The following CENPF variants were observed in gnomAD, a reference collection of about 807,000 sequenced individuals.
The protein encoded by CENPF is centromere protein F.
A neutral mutation model predicts 307.3 loss-of-function variants in CENPF; 214 were observed. The observed-to-expected ratio is 0.70, with a 90% CI of 0.62 to 0.78. CENPF has a LOEUF of 0.78. Among genes scored for constraint, CENPF ranks in the 30% least tolerant of loss-of-function variants. The probability of loss-of-function intolerance (pLI) is 0.00; values close to 1 mark genes in which losing one functional copy is unlikely to be tolerated. For missense variants in CENPF, 3,401 were observed against 3,483.9 expected, an observed-to-expected ratio of 0.98 and a Z score of 0.60; for synonymous variants, 1,259 against 1,270.6, an observed-to-expected ratio of 0.99 and a Z score of 0.19.
Position 214,630,539 on chromosome 1 carries a change from C to T in CENPF, c.1200C>T (p.Leu400=). ...ACCTGCCCTTTGTTTTTCAGGAGCT[C>T]TCCCGTCAACAGCGTTCTTTCCAAA... The part of the protein sequence containing the change: ...KEKEKEFQEE[L]SRQQRSFQTL... The change falls in exon 9 of 20, where the codon CTC becomes CTT. Residue 400 remains leucine, a synonymous_variant. Transcript: ENST00000366955. 3 of 1,614,096 alleles carry T rather than the reference C, an allele frequency of 1.9e-6. No individual in the cohort carries two copies. Among genetic ancestry groups the T allele is most frequent in the Non-Finnish European group, 2.5e-6 (3 of 1,180,000 alleles).
intron 9 of CENPF, 74 bp from the exon 10 acceptor site, chr1:214,632,406 T>C: frequency 6.6e-7 from 1 of 1,509,430 alleles, no homozygotes; most frequent in Non-Finnish European, 9.0e-7. Flanking sequence ...GACCATTTTA[T>C]TGTTTAAGAA....
chr1:214,647,138 A>C lies in CENPF; in HGVS notation c.7568A>C (p.Glu2523Ala). The C allele has an allele frequency of 6.2e-7, 1 of 1,614,052 alleles. No individual in the cohort carries two copies. Among genetic ancestry groups the C allele is most frequent in the Middle Eastern group, 1.6e-4 (1 of 6,062 alleles). The change falls in exon 13 of 20, where the codon GAA becomes GCA. Residue 2523 changes from glutamate to alanine, a missense_variant. By Grantham distance (107) the Glu-to-Ala change is moderately radical (BLOSUM62 -1). Transcript: ENST00000366955. ...GKQKLEKKDE[E>A]ISRLKNQIQD... is the part of the protein sequence containing the mutation. ...CAGAAACTGGAGAAGAAGGATGAAG[A>C]AATCAGTAGACTGAAAAATCAAATT...
rs7515385 is a variant in CENPF at position 214,622,723 on chromosome 1, G to A, written c.1068+442G>A. 3.5e-3 allele frequency among the ~76,000 whole-genome samples: 503 copies of A among 142,784 alleles called. 3 individuals are homozygous for A. The highest frequency in any genetic ancestry group is 0.013 in the African/African-American group (465 of 34,692). 93.7% of individuals were successfully genotyped at this position (142,784 alleles called of 152,430 possible). On this transcript the variant is annotated intron_variant, in intron 7 of 19. Transcript: ENST00000366955. Reference sequence around the variant, plus strand: ...TCATGGATTCAACCAACTATGGATCGTAAGTATTTAGGGGGAAAAAAGATC... The same window carrying A: ...TCATGGATTCAACCAACTATGGATCATAAGTATTTAGGGGGAAAAAAGATC...
intron 16 of CENPF, among the ~76,000 whole-genome samples, chr1:214,654,756 C>T (rs1409019026): frequency 6.6e-6 from 1 of 151,850 alleles, no homozygotes; most frequent in South Asian, 2.1e-4. Context: ...TCTTTCTACT[C>T]GAGCCACAAT....
intron 7 of CENPF, among the ~76,000 whole-genome samples, chr1:214,626,381 A>G (rs1657656012): frequency 6.6e-6 from 1 of 152,164 alleles, no homozygotes; most frequent in South Asian, 2.1e-4. Context: ...GAATAGGGAA[A>G]AGTGTGATTA....
chr1:214,614,766 T>G (rs1657290169), intron 2 of CENPF, 66 bp from the exon 3 acceptor site: 1 of 1,129,666 alleles, frequency 8.9e-7, no homozygotes. Flanking sequence ...AGACTCAGGT[T>G]TACCAATAAT....
rs1383331219 is a variant in CENPF, at chr1:214,643,357, GT to G, written c.4986+36del. The G allele has an allele frequency of 4.8e-6, 7 of 1,451,046 alleles. No homozygotes were observed. In the East Asian group the frequency reaches 1.7e-4, roughly 36 times the overall value. The allele number at this position is 1,451,046 out of a possible 1,614,324, so 89.9% of individuals were successfully genotyped here. On this transcript the variant is annotated intron_variant, in intron 12 of 19. Coordinates refer to ENST00000366955, the MANE Select transcript of CENPF (RefSeq NM_016343.4). ...CCTGGGATTTAAATGCCATTTCTCG[GT>G]TTACATGACTAGTGGACACTCAGTA... is the stretch of plus-strand genomic sequence containing the variant.
At chr1:214,618,994 T>C in intron 4 of CENPF, 135 bp from the exon 5 acceptor site, 1 of 596,652 alleles carries the variant, frequency 1.7e-6, no homozygotes, top group Non-Finnish European at 3.0e-6. Context: ...ATCAATAGTT[T>C]GATCTATTTC....
intron 1 of CENPF, among the ~76,000 whole-genome samples, chr1:214,609,105 A>C (rs1657127977): frequency 6.7e-6 from 1 of 149,206 alleles, no homozygotes; most frequent in Non-Finnish European, 1.5e-5. Context: ...CCTGGGCCCC[A>C]GGGCCGCACT....
Position 214,657,204 on chromosome 1 carries a change from G to A in CENPF, c.8757G>A (p.Lys2919=). Residue 2919 remains lysine, a synonymous_variant, in exon 18 of 20, where the codon AAG becomes AAA. Transcript: ENST00000366955. ...GPSPIPSVTE[K]RLSSGQNKAS... is the part of the protein sequence containing the mutation. ...CTCCAATCCCTTCTGTTACTGAAAAGAGGTTATCATCTGGCCAAAATAAAG... is the reference window on the plus strand; with the variant it reads ...CTCCAATCCCTTCTGTTACTGAAAAAAGGTTATCATCTGGCCAAAATAAAG... 2 of 1,614,150 alleles carry A rather than the reference G, an allele frequency of 1.2e-6. No individual in the cohort carries two copies. Among genetic ancestry groups the A allele is most frequent in the Non-Finnish European group, 8.5e-7 (1 of 1,180,014 alleles).
intron 3 of CENPF, among the ~76,000 whole-genome samples, chr1:214,617,713 CTA>C (rs980459323): frequency 9.9e-5 from 15 of 152,088 alleles, no homozygotes; most frequent in African/African-American, 3.6e-4. Flanking sequence ...TATATCAAGT[CTA>C]TGTTTTTGAA....
Position 214,614,993 on chromosome 1 carries a change from A to C in CENPF, c.324A>C (p.Lys108Asn). The C allele has an allele frequency of 6.2e-7, 1 of 1,604,430 alleles. No homozygotes were observed. The highest frequency in any genetic ancestry group is 8.5e-7 in the Non-Finnish European group (1 of 1,177,194). The change falls in exon 3 of 20, where the codon AAA becomes AAC. Residue 108 changes from lysine to asparagine, a missense_variant. Transcript: ENST00000366955. ...NFQEGQLNSGKKQIEKLEQEL... is the reference protein window; with the variant it reads ...NFQEGQLNSGNKQIEKLEQEL... ...AGGAAGGACAACTGAATTCAGGCAA[A>C]AAACAAATAGAAAAACTGGAACAGG...
At chr1:214,620,587 A>G in intron 5 of CENPF, 68 bp from the exon 6 acceptor site, 4 of 1,453,128 alleles carry the variant, frequency 2.8e-6, no homozygotes, top group Non-Finnish European at 2.8e-6. Context: ...TTTATATTCT[A>G]TCTGAAAATA....
At chr1:214,662,046 A>C (rs1381333661) in intron 19 of CENPF, among the ~76,000 whole-genome samples, 1 of 152,182 alleles carries the variant, frequency 6.6e-6, no homozygotes, top group Non-Finnish European at 1.5e-5. Context: ...TCCTCAATTC[A>C]GTATCAGAAA....
chr1:214,613,634 T>C, intron 1 of CENPF, 80 bp from the exon 2 acceptor site: 1 of 989,992 alleles, frequency 1.0e-6, no homozygotes, highest in African/African-American at 1.6e-5. Flanking sequence ...TTTTTAGGGG[T>C]GGTTAGATAG....
intron 1 of CENPF, among the ~76,000 whole-genome samples, chr1:214,612,348 T>C (rs946062892): frequency 2.6e-5 from 4 of 152,228 alleles, no homozygotes; most frequent in African/African-American, 9.6e-5. Context: ...ATTAGCTTTT[T>C]GATGTGTTGC....
intron 14 of CENPF, 121 bp from the exon 15 acceptor site, chr1:214,651,589 A>G: frequency 1.5e-6 from 1 of 673,636 alleles, no homozygotes; most frequent in Non-Finnish European, 2.4e-6. Flanking sequence ...ACTATTCTGT[A>G]CAGATTTTAT....
chr1:214,608,324 G>A (rs1045458107), intron 1 of CENPF: 2 of 1,598,006 alleles, frequency 1.3e-6, no homozygotes, highest in African/African-American at 1.3e-5. Flanking sequence ...CTGGTGCGCA[G>A]GGCCTGCCAG....
chr1:214,605,382 C>G, intron 1 of CENPF: 1 of 380,798 alleles, frequency 2.6e-6, no homozygotes, highest in South Asian at 3.3e-5. Context: ...CATAGAGCAG[C>G]TAAATAACTT....
Sources: allele counts gnomAD v4.1 joint callset (sites outside exome capture counted in the v4.1 genomes callset), GRCh38; gene constraint gnomAD v4.1.1; transcripts MANE v1.5; gene names NCBI Gene and HGNC (gene_info 2026-07-23, HGNC 2026-07-21).